The following ALCAM variants were observed in gnomAD, a reference collection of about 807,000 sequenced individuals.
ALCAM encodes activated leukocyte cell adhesion molecule.
A neutral mutation model predicts 70.9 loss-of-function variants in ALCAM; 30 were observed. That is an observed-to-expected ratio of 0.42 (90% CI 0.32 to 0.57). The LOEUF (loss-of-function observed/expected upper bound fraction) is 0.57, where lower values mean the gene tolerates loss of function less well. Among genes scored for constraint, ALCAM ranks in the 20% least tolerant of loss-of-function variants. The pLI, the probability that ALCAM is intolerant of heterozygous loss-of-function variation, is 0.11. For missense variants in ALCAM, 591 were observed against 695.1 expected, an observed-to-expected ratio of 0.85 and a Z score of 1.68; for synonymous variants, 249 against 242.5, an observed-to-expected ratio of 1.03 and a Z score of -0.25.
intron 1 of ALCAM, among the ~76,000 whole-genome samples, chr3:105,460,952 T>C (rs1248435012): frequency 6.6e-6 from 1 of 151,776 alleles, no homozygotes; most frequent in African/African-American, 2.4e-5. Context: ...CTAAGAGATA[T>C]ATAGATAGAA....
At chr3:105,379,497 C>T (rs974235465) in intron 1 of ALCAM, among the ~76,000 whole-genome samples, 3 of 151,410 alleles carry the variant, frequency 2.0e-5, no homozygotes, top group Admixed American at 6.6e-5. Context: ...GAAAAAAACA[C>T]GTGTTAAAAT....
intron 1 of ALCAM, among the ~76,000 whole-genome samples, chr3:105,490,446 G>GTTCT (rs1296896942): frequency 1.3e-5 from 2 of 152,082 alleles, no homozygotes; most frequent in Non-Finnish European, 2.9e-5. Context: ...TAAAAGTATT[G>GTTCT]TTCTTTCTTT....
At chr3:105,441,557 G>A (rs976530) in intron 1 of ALCAM, among the ~76,000 whole-genome samples, 39,646 of 152,026 alleles carry the variant, frequency 0.26, 5,676 homozygotes, top group Admixed American at 0.45. Flanking sequence ...TCAGTAATGT[G>A]TGAACTTATA....
At chr3:105,455,138 T>C (rs1937517549) in intron 1 of ALCAM, among the ~76,000 whole-genome samples, 1 of 152,012 alleles carries the variant, frequency 6.6e-6, no homozygotes, top group Non-Finnish European at 1.5e-5. Flanking sequence ...TACCAAGTTA[T>C]GATTTGTATA....
At chr3:105,405,277 CAAAAAAAAA>C (rs35101188) in intron 1 of ALCAM, among the ~76,000 whole-genome samples, 2 of 65,268 alleles carry the variant, frequency 3.1e-5, no homozygotes, top group Non-Finnish European at 5.4e-5. Flanking sequence ...AACTTCGTCT[CAAAAAAAAA>C]AAAAAAAAAA....
At chr3:105,475,284 A>ATTTAGTT (rs1938075637) in intron 1 of ALCAM, among the ~76,000 whole-genome samples, 2 of 152,044 alleles carry the variant, frequency 1.3e-5, no homozygotes, top group Non-Finnish European at 2.9e-5. Context: ...AATGGTACAG[A>ATTTAGTT]TAACTCTATA....
At chr3:105,372,193 A>G (rs1279245159) in intron 1 of ALCAM, among the ~76,000 whole-genome samples, 1 of 152,114 alleles carries the variant, frequency 6.6e-6, no homozygotes, top group Non-Finnish European at 1.5e-5. Context: ...GATATTCTAT[A>G]TTCAGGAAGA....
chr3:105,480,747 C>T (rs1404648891), intron 1 of ALCAM, among the ~76,000 whole-genome samples: 1 of 152,106 alleles, frequency 6.6e-6, no homozygotes, highest in African/African-American at 2.4e-5. Flanking sequence ...TTTGAACTCC[C>T]TGTAAAATTT....
intron 1 of ALCAM, among the ~76,000 whole-genome samples, chr3:105,411,013 G>C (rs1394038347): frequency 6.6e-6 from 1 of 151,884 alleles, no homozygotes; most frequent in African/African-American, 2.4e-5. Context: ...CCCATTAATG[G>C]AGTTGTTAAA....
Position 105,541,665 on chromosome 3 carries a change from T to G in ALCAM, c.891T>G (p.Thr297=). The G allele has an allele frequency of 6.2e-7, 1 of 1,612,062 alleles. No individual in the cohort carries two copies. Among genetic ancestry groups the G allele is most frequent in the Admixed American group, 1.7e-5 (1 of 59,810 alleles). The change falls in exon 8 of 16, where the codon ACT becomes ACG. Residue 297 remains threonine, a synonymous_variant. Coordinates refer to ENST00000306107, the MANE Select transcript of ALCAM (RefSeq NM_001627.4). ...GQPEGIRSSN[T]YTLTDVRRNA... is the part of the protein sequence containing the mutation. ...CCGAAGGAATAAGAAGCTCAAATAC[T>G]TACACACTGACGGATGTGAGGCGCA...
rs907922034 is a variant in ALCAM, at chr3:105,553,256, C to T, written c.1664+671C>T. 3.1e-5 allele frequency: 11 copies of T among 359,346 alleles called. No homozygotes were observed. In the East Asian group the frequency reaches 5.0e-4, roughly 16 times the overall value. 22.3% of individuals were successfully genotyped at this position (359,346 alleles called of 1,614,324 possible). On this transcript the variant is annotated intron_variant, in intron 14 of 15. Coordinates refer to ENST00000306107, the MANE Select transcript of ALCAM (RefSeq NM_001627.4). ...TTATAAGGAAAATCCGATGAACCAG[C>T]GAAGATTCTTAACATACACACATGT... is the stretch of plus-strand genomic sequence containing the variant.
At chr3:105,428,014 GA>G (rs893260863) in intron 1 of ALCAM, among the ~76,000 whole-genome samples, 96 of 151,520 alleles carry the variant, frequency 6.3e-4, no homozygotes, top group African/African-American at 1.6e-3. Context: ...TTTTGAAAAA[GA>G]AAAAAAATGT....
chr3:105,394,679 G>A (rs1332427589), intron 1 of ALCAM, among the ~76,000 whole-genome samples: 1 of 151,826 alleles, frequency 6.6e-6, no homozygotes, highest in African/African-American at 2.4e-5. Context: ...GAGTTAAATT[G>A]TGTTTAGTAC....
In ALCAM at chr3:105,550,242, C is replaced by T; in HGVS notation, c.1490C>T (p.Ser497Phe). 1 of 1,605,156 alleles carries T rather than the reference C, an allele frequency of 6.2e-7. No individual in the cohort carries two copies. Among genetic ancestry groups the T allele is most frequent in the Non-Finnish European group, 8.5e-7 (1 of 1,175,322 alleles). ...AACCAACTGGAGAGAACAGTAAACT[C>T]CTTGAATGTCTCTGCTAGTGAGTAT... ...AENQLERTVN[S>F]LNVSAISIPE... Residue 497 changes from serine (S) to phenylalanine (F), a missense_variant, in exon 12 of 16, where the codon TCC (serine) becomes TTC (phenylalanine). Coordinates refer to ENST00000306107, the MANE Select transcript of ALCAM (RefSeq NM_001627.4).
rs557111551 is a variant in ALCAM at position 105,540,951 on chromosome 3, G to A, written c.859-682G>A. The stretch of plus-strand genomic sequence containing the variant: ...TAATTGCTGTTTTTGTTTCCTTTGC[G>A]AAGGAAAATTTAAAACTAATTAGGT... On this transcript the variant is annotated intron_variant, in intron 7 of 15. Coordinates refer to ENST00000306107, the MANE Select transcript of ALCAM (RefSeq NM_001627.4). Among the ~76,000 whole-genome samples the A allele has an allele frequency of 2.6e-5, 4 of 151,872 alleles. No individual in the cohort carries two copies. The South Asian group carries it at 6.3e-4, about 24-fold the overall frequency.
At chr3:105,498,074 GCACCCA>G (rs1189022474) in intron 1 of ALCAM, among the ~76,000 whole-genome samples, 3 of 151,404 alleles carry the variant, frequency 2.0e-5, no homozygotes, top group African/African-American at 7.3e-5. Flanking sequence ...CCTTTGTGAA[GCACCCA>G]CCATGTTCCA....
At chr3:105,542,371 T>C (rs1244672897) in intron 8 of ALCAM, among the ~76,000 whole-genome samples, 3 of 151,826 alleles carry the variant, frequency 2.0e-5, no homozygotes, top group Non-Finnish European at 4.4e-5. Context: ...TATATTTGCC[T>C]CGGTGTAACA....
chr3:105,499,254 A>T (rs959854486), intron 1 of ALCAM, among the ~76,000 whole-genome samples: 1 of 152,216 alleles, frequency 6.6e-6, no homozygotes, highest in Non-Finnish European at 1.5e-5. Flanking sequence ...TTAAATATAC[A>T]TATGTTTTAT....
At chr3:105,573,389 T>C (rs536427891) in intron 15 of ALCAM, among the ~76,000 whole-genome samples, 1 of 152,132 alleles carries the variant, frequency 6.6e-6, no homozygotes, top group Admixed American at 6.5e-5. Flanking sequence ...CGTGAGTGTA[T>C]TTATACAGCC....
Sources: allele counts gnomAD v4.1 joint callset (sites outside exome capture counted in the v4.1 genomes callset), GRCh38; gene constraint gnomAD v4.1.1; transcripts MANE v1.5; gene names NCBI Gene and HGNC (gene_info 2026-07-23, HGNC 2026-07-21).